The following MRPL3 variants were observed in gnomAD, a reference collection of about 807,000 sequenced individuals.
MRPL3 encodes the protein mitochondrial ribosomal protein L3.
MRPL3 carries 43 observed loss-of-function variants against 44.3 expected under a neutral mutation model. That is an observed-to-expected ratio of 0.97 (90% CI 0.76 to 1.25). MRPL3 has a LOEUF of 1.25. MRPL3 is among the 50% of genes most tolerant of loss of function. MRPL3 has a pLI of 0.00. For synonymous variants in MRPL3, 171 were observed against 152.3 expected (o/e 1.12, Z -0.91); for missense variants, 406 against 427.6 (o/e 0.95, Z 0.45).
intron 7 of MRPL3, among the ~76,000 whole-genome samples, chr3:131,470,454 A>C (rs1236400204): frequency 6.6e-6 from 1 of 152,184 alleles, no homozygotes; most frequent in East Asian, 1.9e-4. Context: ...TTAACAGGTG[A>C]AACTCTCAGT....
chr3:131,462,819 A>G lies in MRPL3; in HGVS notation c.951T>C (p.Pro317=). The change falls in exon 10 of 10, where the codon CCT becomes CCC. Residue 317 remains proline (P), a synonymous_variant. Transcript: ENST00000264995. ...YKDLGKNLPF[P]TYFPDGDEEE... is the part of the protein sequence containing the mutation. ...CTTCATCTCCATCAGGAAAATATGT[A>G]GGGAATGGTAGATTTTTACCGAGAT... 1 of 1,612,866 alleles carries G rather than the reference A, an allele frequency of 6.2e-7. No homozygotes were observed. The highest frequency in any genetic ancestry group is 8.5e-7 in the Non-Finnish European group (1 of 1,179,234).
At chr3:131,491,644 T>C (rs78146210) in intron 4 of MRPL3, among the ~76,000 whole-genome samples, 2,425 of 152,234 alleles carry the variant, frequency 0.016, 21 homozygotes, top group Non-Finnish European at 0.026. Context: ...GATTCTTTTC[T>C]TCTTCACATT....
intron 4 of MRPL3, among the ~76,000 whole-genome samples, chr3:131,496,842 T>C (rs1934380345): frequency 6.6e-6 from 1 of 152,192 alleles, no homozygotes; most frequent in Admixed American, 6.5e-5. Context: ...CACCTCAAAG[T>C]CCGTAAGATG....
intron 9 of MRPL3, among the ~76,000 whole-genome samples, chr3:131,464,060 G>C (rs1017344418): frequency 4.6e-5 from 7 of 151,974 alleles, no homozygotes; most frequent in Non-Finnish European, 1.0e-4. Context: ...AACTTGTTTA[G>C]TTTTGTCCCC....
intron 4 of MRPL3, among the ~76,000 whole-genome samples, chr3:131,493,918 CAG>C (rs1390551536): frequency 6.6e-6 from 1 of 152,200 alleles, no homozygotes; most frequent in Non-Finnish European, 1.5e-5. Context: ...GAAGTGCCTG[CAG>C]AGTCAGACTT....
rs73203913 is a variant in MRPL3 at position 131,478,698 on chromosome 3, G to C, written c.630-7419C>G. Among the ~76,000 whole-genome samples, 1,149 of 141,148 alleles carry C rather than the reference G, an allele frequency of 8.1e-3. 10 individuals carry two copies. Among genetic ancestry groups the C allele is most frequent in the Non-Finnish European group, 0.012 (782 of 65,950 alleles). The allele number at this position is 141,148 out of a possible 152,430, so 92.6% of individuals were successfully genotyped here. On this transcript the variant is annotated intron_variant, in intron 6 of 9. Coordinates refer to ENST00000264995, the MANE Select transcript of MRPL3 (RefSeq NM_007208.4). ...TTCAATATCAAGTTGCATCACCTGT[G>C]AAATATTCGATTTTTTTTTTTTTTT...
intron 6 of MRPL3, among the ~76,000 whole-genome samples, chr3:131,477,136 A>T (rs923144154): frequency 5.3e-5 from 8 of 152,174 alleles, no homozygotes; most frequent in African/African-American, 1.7e-4. Flanking sequence ...TCCATCATGT[A>T]TTTCTTTACT....
At chr3:131,498,822 CGTGTGTGT>C (rs1559834206) in intron 3 of MRPL3, among the ~76,000 whole-genome samples, 1 of 152,012 alleles carries the variant, frequency 6.6e-6, no homozygotes, top group African/African-American at 2.4e-5. Context: ...CCCAAAAGCC[CGTGTGTGT>C]CTCTTCCCAA....
At chr3:131,496,375 T>C (rs569667571) in intron 4 of MRPL3, among the ~76,000 whole-genome samples, 21 of 152,292 alleles carry the variant, frequency 1.4e-4, no homozygotes, top group African/African-American at 4.8e-4. Flanking sequence ...AGGACAGATA[T>C]TATGACAAAG....
intron 3 of MRPL3, among the ~76,000 whole-genome samples, chr3:131,500,137 A>G (rs868279986): frequency 9.2e-5 from 14 of 152,260 alleles, no homozygotes; most frequent in African/African-American, 3.4e-4. Context: ...TGGGATTGAG[A>G]TTTTTTTCCA....
chr3:131,501,903 A>G (rs573450293), intron 1 of MRPL3, 188 bp from the exon 2 acceptor site: 1 of 1,537,158 alleles, frequency 6.5e-7, no homozygotes, highest in African/African-American at 1.4e-5. Context: ...TAAGGCTCAC[A>G]TTTAAACTGT....
At position 131,469,656 on chromosome 3, in the gene MRPL3, A is replaced by G. The variant is rs762162587; in HGVS notation, c.816+40T>C. ...TATTCTGCTGCCTTTGCATTTAGAC[A>G]ATTTAGCTGTTCCTAAAAAGAACCA... On this transcript the variant is annotated intron_variant, in intron 8 of 9. Transcript: ENST00000264995. 13 of 1,404,484 alleles carry G rather than the reference A, an allele frequency of 9.3e-6. No homozygotes were observed. In the South Asian group the frequency reaches 1.5e-4, roughly 17 times the overall value. The allele number at this position is 1,404,484 out of a possible 1,614,324, so 87.0% of individuals were successfully genotyped here. A position where few individuals can be genotyped will look rare whatever the true frequency, so the allele number is the denominator to read the frequency against.
chr3:131,478,889 C>T (rs564227430), intron 6 of MRPL3, among the ~76,000 whole-genome samples: 5 of 151,984 alleles, frequency 3.3e-5, no homozygotes, highest in East Asian at 1.9e-4. Context: ...GATGAAGTTT[C>T]GCTATGTTGG....
intron 4 of MRPL3, among the ~76,000 whole-genome samples, chr3:131,495,574 G>C (rs929662452): frequency 6.6e-6 from 1 of 152,100 alleles, no homozygotes; most frequent in South Asian, 2.1e-4. Context: ...TCACCCTGCT[G>C]TGCTATGTAA....
Position 131,462,847 on chromosome 3 carries a change from TTATATG to T in MRPL3, c.917_922del (p.Ala306_Lys308delinsGlu), listed in dbSNP as rs1373030908. On this transcript the variant is annotated inframe_deletion, in exon 10 of 10. Transcript: ENST00000264995. ...GAATGGTAGATTTTTACCGAGATCC[TTATATG>T]CAGGCAGTTTAGAATCTTTGACCTG... The T allele has an allele frequency of 1.9e-6, 3 of 1,612,016 alleles. No individual in the cohort carries two copies. Among genetic ancestry groups the T allele is most frequent in the Non-Finnish European group, 2.5e-6 (3 of 1,178,716 alleles).
chr3:131,468,061 A>G (rs578068305), intron 9 of MRPL3, 30 bp downstream of exon 9: 795 of 1,070,674 alleles, frequency 7.4e-4, no homozygotes, highest in East Asian at 2.5e-3. Flanking sequence ...AAAAAAAAAA[A>G]GGAAAAAAAA....
Position 131,487,681 on chromosome 3 carries a change from T to C in MRPL3, c.628A>G (p.Thr210Ala), listed in dbSNP as rs749595261. The C allele has an allele frequency of 1.9e-6, 3 of 1,610,444 alleles. No individual in the cohort carries two copies. The highest frequency in any genetic ancestry group is 2.2e-5 in the East Asian group (1 of 44,826). ...AGAGAACTCGCTATGAGGACCTACG[T>C]TTTGGCTGTGACATCCACATACTGT... ...PGQYVDVTAK[T>A]IGKGFQGVMK... Residue 210 changes from threonine to alanine, a missense_variant and splice_region_variant, in exon 6 of 10, where the codon ACT (threonine) becomes GCT (alanine). Physicochemically the swap from Thr to Ala is moderately conservative, Grantham distance 58. Transcript: ENST00000264995.
At chr3:131,492,264 G>A (rs906874704) in intron 4 of MRPL3, among the ~76,000 whole-genome samples, 2 of 151,990 alleles carry the variant, frequency 1.3e-5, no homozygotes, top group East Asian at 3.9e-4. Flanking sequence ...ATACCAGGAA[G>A]CTTCCGAGAA....
At chr3:131,479,081 CT>C in intron 6 of MRPL3, 1 of 497,068 alleles carries the variant, frequency 2.0e-6, no homozygotes, top group Non-Finnish European at 3.9e-6. Flanking sequence ...ATTAAGTTTT[CT>C]TTTTTTCTTC....
Sources: gnomAD v4.1 joint callset for allele counts (sites outside exome capture counted in the v4.1 genomes callset) on GRCh38, gnomAD v4.1.1 for gene constraint, MANE v1.5 for transcripts, NCBI Gene and HGNC (gene_info 2026-07-23, HGNC 2026-07-21) for gene names.